Variants in CNTN5 observed in about 807,000 individuals in gnomAD.
CNTN5 encodes contactin 5.
In CNTN5, 77 loss-of-function variants were observed where a neutral mutation model predicts 129.1. That is an observed-to-expected ratio of 0.60 (90% CI 0.50 to 0.72). The LOEUF (loss-of-function observed/expected upper bound fraction) is 0.72. Among genes scored for constraint, CNTN5 ranks in the 30% least tolerant of loss-of-function variants. The probability of loss-of-function intolerance (pLI) is 0.00; values close to 1 mark genes in which losing one functional copy is unlikely to be tolerated. For synonymous variants in CNTN5, 509 were observed against 465.6 expected, an observed-to-expected ratio of 1.09 and a Z score of -1.20; for missense variants, 1,478 against 1,328.8, an observed-to-expected ratio of 1.11 and a Z score of -1.75.
chr11:100,098,610 A>G lies in CNTN5; in HGVS notation c.1580+24316A>G, dbSNP rs550570389. ...TTGGTACCCCCTTTACCTTGAATGT[A>G]TAAATTATCTTTTAGATCTATTTGT... On this transcript the variant is annotated intron_variant, in intron 13 of 24. Transcript: ENST00000524871. Among the ~76,000 whole-genome samples the G allele has an allele frequency of 4.6e-5, 7 of 152,210 alleles. No individual in the cohort carries two copies. In the South Asian group the frequency reaches 1.5e-3, roughly 32 times the overall value.
chr11:100,058,044 A>G (rs1430755325), intron 9 of CNTN5, among the ~76,000 whole-genome samples: 1 of 152,086 alleles, frequency 6.6e-6, no homozygotes, highest in Non-Finnish European at 1.5e-5. Context: ...TGCAGAACCT[A>G]CACTTAACTA....
intron 1 of CNTN5, among the ~76,000 whole-genome samples, chr11:99,250,886 C>T (rs1221796055): frequency 3.3e-5 from 5 of 151,822 alleles, no homozygotes; most frequent in Admixed American, 6.6e-5. Context: ...TTCTAATGTG[C>T]ACAGTGTGGT....
chr11:100,060,140 A>G (rs1943402687), intron 9 of CNTN5, among the ~76,000 whole-genome samples: 1 of 151,540 alleles, frequency 6.6e-6, no homozygotes, highest in Admixed American at 6.6e-5. Flanking sequence ...CGAGAGGTGC[A>G]GGTTGCAGTG....
chr11:100,189,757 T>G (rs2018049), intron 13 of CNTN5, among the ~76,000 whole-genome samples: 16,320 of 152,122 alleles, frequency 0.11, 1,121 homozygotes, highest in Non-Finnish European at 0.15. Flanking sequence ...ATGCATTACA[T>G]TACTCTTAAG....
intron 10 of CNTN5, among the ~76,000 whole-genome samples, chr11:100,066,833 C>A (rs1275909950): frequency 3.8e-3 from 474 of 124,652 alleles, no homozygotes; most frequent in South Asian, 4.9e-3. Context: ...AGTCCTCTGC[C>A]AAAAAAAAAA....
At chr11:100,143,176 C>T (rs1946748164) in intron 13 of CNTN5, among the ~76,000 whole-genome samples, 1 of 152,134 alleles carries the variant, frequency 6.6e-6, no homozygotes, top group African/African-American at 2.4e-5. Flanking sequence ...ATGTATGAAT[C>T]ATTTCATCCT....
At chr11:99,826,224 A>T (rs908348797) in intron 4 of CNTN5, among the ~76,000 whole-genome samples, 3 of 152,066 alleles carry the variant, frequency 2.0e-5, no homozygotes, top group Non-Finnish European at 4.4e-5. Flanking sequence ...TGTGGAAAGG[A>T]AGTATTTTTA....
At chr11:99,666,511 A>G (rs1591447422) in intron 3 of CNTN5, among the ~76,000 whole-genome samples, 1 of 152,096 alleles carries the variant, frequency 6.6e-6, no homozygotes. Context: ...GGTCCTTTTT[A>G]TGTCTGGGAA....
In CNTN5 at chr11:99,129,731, A is replaced by T. The variant is rs369783308; in HGVS notation, c.-210+108461A>T. On this transcript the variant is annotated intron_variant, in intron 1 of 24. Coordinates refer to ENST00000524871, the MANE Select transcript of CNTN5 (RefSeq NM_014361.4). Reference sequence around the variant, plus strand: ...TCAGAGAGAAAGGCCAGGTAACCTAAAAAGGGAAACCCATCAGACTAACAG... The same window carrying T: ...TCAGAGAGAAAGGCCAGGTAACCTATAAAGGGAAACCCATCAGACTAACAG... 5.3e-5 allele frequency among the ~76,000 whole-genome samples: 8 copies of T among 152,276 alleles called. No homozygotes were observed. The East Asian group carries it at 9.7e-4, about 18-fold the overall frequency.
rs191168536 is a variant in CNTN5 at position 99,722,298 on chromosome 11, G to A, written c.56-97246G>A. ...CATATACACTGTGGAATGCTATGCAGCCATAACAAGGAATGAGATCATGTC... is the reference window on the plus strand; with the variant it reads ...CATATACACTGTGGAATGCTATGCAACCATAACAAGGAATGAGATCATGTC... On this transcript the variant is annotated intron_variant, in intron 3 of 24. Transcript: ENST00000524871. 1.8e-3 allele frequency among the ~76,000 whole-genome samples: 277 copies of A among 152,272 alleles called. 2 individuals are homozygous for A. Among genetic ancestry groups the A allele is most frequent in the Non-Finnish European group, 1.2e-3 (85 of 68,008 alleles).
At chr11:99,910,859 A>G (rs1201426718) in intron 6 of CNTN5, among the ~76,000 whole-genome samples, 2 of 152,106 alleles carry the variant, frequency 1.3e-5, no homozygotes, top group African/African-American at 4.8e-5. Context: ...CATGGAATGC[A>G]AAAAAATTTA....
At chr11:99,360,030 C>T (rs1379604139) in intron 2 of CNTN5, among the ~76,000 whole-genome samples, 2 of 151,900 alleles carry the variant, frequency 1.3e-5, no homozygotes, top group African/African-American at 2.4e-5. Flanking sequence ...ATACATATAC[C>T]CACTACATAC....
intron 3 of CNTN5, among the ~76,000 whole-genome samples, chr11:99,705,562 A>T (rs1484048980): frequency 6.6e-6 from 1 of 151,196 alleles, no homozygotes; most frequent in African/African-American, 2.4e-5. Flanking sequence ...ATTAGGCCTA[A>T]TTTTTTTACT....
chr11:100,219,607 T>C (rs1949219176), intron 15 of CNTN5, among the ~76,000 whole-genome samples: 1 of 152,206 alleles, frequency 6.6e-6, no homozygotes, highest in Non-Finnish European at 1.5e-5. Flanking sequence ...ATAGAACTGT[T>C]TCTGCATTTT....
At chr11:99,664,409 A>G (rs912827983) in intron 3 of CNTN5, among the ~76,000 whole-genome samples, 2 of 152,132 alleles carry the variant, frequency 1.3e-5, no homozygotes, top group Non-Finnish European at 2.9e-5. Flanking sequence ...CCAGTAGAGT[A>G]GAGAGATCTC....
At chr11:99,929,689 G>T (rs368798864) in intron 7 of CNTN5, among the ~76,000 whole-genome samples, 1 of 152,078 alleles carries the variant, frequency 6.6e-6, no homozygotes, top group Non-Finnish European at 1.5e-5. Flanking sequence ...ACAGCATGAG[G>T]GTAACTGCCC....
chr11:99,205,196 C>T (rs1859417619), intron 1 of CNTN5, among the ~76,000 whole-genome samples: 1 of 151,838 alleles, frequency 6.6e-6, no homozygotes, highest in Non-Finnish European at 1.5e-5. Flanking sequence ...TCCAAGAAAC[C>T]ACTGTAAAGA....
At chr11:99,477,402 C>T (rs1353654268) in intron 2 of CNTN5, among the ~76,000 whole-genome samples, 1 of 151,866 alleles carries the variant, frequency 6.6e-6, no homozygotes, top group Non-Finnish European at 1.5e-5. Flanking sequence ...CTCTGAGTCT[C>T]TTTCCATTTA....
intron 1 of CNTN5, among the ~76,000 whole-genome samples, chr11:99,130,428 A>G (rs1476585030): frequency 6.6e-6 from 1 of 152,226 alleles, no homozygotes; most frequent in Non-Finnish European, 1.5e-5. Flanking sequence ...TCCTAAATAT[A>G]TATGCACCCA....
Sources: gnomAD v4.1 joint callset for allele counts (sites outside exome capture counted in the v4.1 genomes callset) on GRCh38, gnomAD v4.1.1 for gene constraint, MANE v1.5 for transcripts, NCBI Gene and HGNC (gene_info 2026-07-23, HGNC 2026-07-21) for gene names.